Variants in FAM120C observed in about 807,000 individuals in gnomAD.
FAM120C encodes constitutive coactivator of PPAR-gamma-like protein 2.
A neutral mutation model predicts 71.2 loss-of-function variants in FAM120C; 14 were observed. That is an observed-to-expected ratio of 0.20 (90% confidence interval 0.13 to 0.31). The LOEUF (loss-of-function observed/expected upper bound fraction) is 0.31. Ranked by LOEUF, FAM120C falls within the 10% of genes least tolerant of loss-of-function variation. The probability of loss-of-function intolerance (pLI) is 1.00; values close to 1 mark genes in which losing one functional copy is unlikely to be tolerated. For synonymous variants in FAM120C, 354 were observed against 353.2 expected (o/e 1.00, Z -0.03); for missense variants, 500 against 879.0 (o/e 0.57, Z 5.45).
intron 9 of FAM120C, among the ~76,000 whole-genome samples, chrX:54,129,293 C>T (rs1434140260): frequency 9.6e-6 from 1 of 103,991 alleles, no homozygotes; most frequent in East Asian, 3.2e-4. Context: ...AGGGTCTCCT[C>T]ACTTCTCAGA....
intron 9 of FAM120C, among the ~76,000 whole-genome samples, chrX:54,129,784 G>A (rs2067053784): frequency 8.9e-6 from 1 of 112,261 alleles, no homozygotes; most frequent in Admixed American, 9.4e-5. Context: ...TCGGGAGGCC[G>A]AGGCTGGCGG....
chrX:54,083,433 C>CCACACACACCCA (rs2066777253), intron 13 of FAM120C, among the ~76,000 whole-genome samples: 1 of 78,930 alleles, frequency 1.3e-5, no homozygotes, highest in Non-Finnish European at 2.4e-5. Context: ...GACCCCATCT[C>CCACACACACCCA]CACACACACA....
chrX:54,170,149 T>C (rs959670973), intron 1 of FAM120C, among the ~76,000 whole-genome samples: 1 of 111,522 alleles, frequency 9.0e-6, no homozygotes. Flanking sequence ...TTTTTTCTCT[T>C]TTCTGAGATG....
intron 9 of FAM120C, among the ~76,000 whole-genome samples, chrX:54,118,549 T>C (rs192561462): frequency 6.4e-5 from 7 of 109,991 alleles, no homozygotes; most frequent in African/African-American, 1.6e-4. Flanking sequence ...AATGGCAGTA[T>C]CATTTTACAT....
At chrX:54,126,822 T>G (rs1557128027) in intron 9 of FAM120C, among the ~76,000 whole-genome samples, 1 of 113,504 alleles carries the variant, frequency 8.8e-6, no homozygotes, top group African/African-American at 3.2e-5. Flanking sequence ...TAATTCTTTT[T>G]ATATATTGCT....
chrX:54,163,669 A>T (rs1557134692), intron 1 of FAM120C, among the ~76,000 whole-genome samples: 1 of 111,437 alleles, frequency 9.0e-6, no homozygotes, highest in African/African-American at 3.3e-5. Flanking sequence ...TATATGAGTT[A>T]TACCTCGATT....
chrX:54,103,629 C>T (rs2066892434), intron 10 of FAM120C, among the ~76,000 whole-genome samples: 1 of 111,364 alleles, frequency 9.0e-6, no homozygotes, highest in Non-Finnish European at 1.9e-5. Flanking sequence ...TAAGTTCTAA[C>T]GTGTCAAGGA....
intron 10 of FAM120C, among the ~76,000 whole-genome samples, chrX:54,091,713 A>T (rs934965234): frequency 6.3e-5 from 7 of 111,871 alleles, no homozygotes; most frequent in African/African-American, 2.3e-4. Context: ...GTAAAGATGA[A>T]AGATGGTATC....
At chrX:54,177,802 A>G (rs1557136838) in intron 1 of FAM120C, among the ~76,000 whole-genome samples, 1 of 111,739 alleles carries the variant, frequency 8.9e-6, no homozygotes, top group Non-Finnish European at 1.9e-5. Context: ...CCTTGAGGGC[A>G]CCAACATTTA....
At chrX:54,077,723 G>A (rs2066742315) in intron 15 of FAM120C, among the ~76,000 whole-genome samples, 1 of 110,676 alleles carries the variant, frequency 9.0e-6, no homozygotes, top group Non-Finnish European at 1.9e-5. Context: ...GGGTATTTAT[G>A]TGGTTTCAAT....
At chrX:54,129,440 C>G (rs1470219491) in intron 9 of FAM120C, among the ~76,000 whole-genome samples, 1 of 108,503 alleles carries the variant, frequency 9.2e-6, no homozygotes, top group Admixed American at 9.7e-5. Flanking sequence ...GGCAGAGAAG[C>G]TCCTCACTTC....
chrX:54,083,433 C>CCACACCCACA (rs1557121564), intron 13 of FAM120C, among the ~76,000 whole-genome samples: 3 of 78,930 alleles, frequency 3.8e-5, no homozygotes, highest in Admixed American at 1.6e-4. Flanking sequence ...GACCCCATCT[C>CCACACCCACA]CACACACACA....
intron 10 of FAM120C, among the ~76,000 whole-genome samples, chrX:54,103,752 C>T (rs2066893117): frequency 3.8e-5 from 1 of 26,402 alleles, no homozygotes; most frequent in Non-Finnish European, 7.4e-5. Context: ...GTCCAAAACA[C>T]CTCTTTTTTT....
At chrX:54,076,987 AAGGCTG>A (rs1455598357) in intron 15 of FAM120C, among the ~76,000 whole-genome samples, 2 of 111,087 alleles carry the variant, frequency 1.8e-5, no homozygotes, top group African/African-American at 6.5e-5. Flanking sequence ...AGCTACTCAG[AAGGCTG>A]AGGTAGGAGG....
chrX:54,074,417 T>C (rs2066725259), intron 15 of FAM120C, among the ~76,000 whole-genome samples: 1 of 112,314 alleles, frequency 8.9e-6, no homozygotes, highest in South Asian at 3.6e-4. Flanking sequence ...CCACAGAATC[T>C]TTCTTTTCTT....
chrX:54,156,315 CTTTTTTTTTTTT>C (rs35737980), intron 3 of FAM120C, among the ~76,000 whole-genome samples: 2 of 28,404 alleles, frequency 7.0e-5, no homozygotes, highest in Non-Finnish European at 1.1e-4. Context: ...TCACAACAGT[CTTTTTTTTTTTT>C]TTTTTTTTTT....
At chrX:54,134,689 T>C (rs1557130087) in intron 7 of FAM120C, 142 bp downstream of exon 7, 2 of 595,877 alleles carry the variant, frequency 3.4e-6, no homozygotes, top group Non-Finnish European at 5.0e-6. Flanking sequence ...AGAAAACGTT[T>C]TCCTACTTTG....
intron 1 of FAM120C, among the ~76,000 whole-genome samples, chrX:54,172,567 CTT>C (rs1166570854): frequency 3.6e-5 from 4 of 112,262 alleles, no homozygotes; most frequent in African/African-American, 1.3e-4. Flanking sequence ...AATCTCAAGA[CTT>C]TTCTCATCAC....
intron 10 of FAM120C, among the ~76,000 whole-genome samples, chrX:54,098,122 A>T (rs1436878003): frequency 9.5e-6 from 1 of 104,820 alleles, no homozygotes; most frequent in Non-Finnish European, 2.0e-5. Flanking sequence ...GCTCACTGCA[A>T]CCTCTGCCTC....
Sources: allele counts gnomAD v4.1 joint callset (sites outside exome capture counted in the v4.1 genomes callset), GRCh38; gene constraint gnomAD v4.1.1; transcripts MANE v1.5; gene names NCBI Gene and HGNC (gene_info 2026-07-23, HGNC 2026-07-21).